NR4A3: variants seen among roughly 807,000 people sequenced by gnomAD.
NR4A3 encodes chondrosarcoma, extraskeletal myxoid, fused to EWS.
Under a neutral mutation model 55.6 loss-of-function variants are expected in NR4A3, and 13 were observed. That is an observed-to-expected ratio of 0.23 (90% confidence interval 0.15 to 0.37). The LOEUF (loss-of-function observed/expected upper bound fraction) is 0.37. Ranked by LOEUF, NR4A3 falls within the 10% of genes least tolerant of loss-of-function variation. The pLI, the probability that NR4A3 is intolerant of heterozygous loss-of-function variation, is 1.00. For synonymous variants in NR4A3, 342 were observed against 357.9 expected (o/e 0.96, Z 0.50); for missense variants, 646 against 822.8 (o/e 0.79, Z 2.63).
Position 99,865,323 on chromosome 9 carries a change from T to C in NR4A3, c.*1456T>C, listed in dbSNP as rs1264499836. On this transcript the variant is annotated 3_prime_UTR_variant, in exon 8 of 8. Transcript: ENST00000395097. The surrounding 1 kb of genome is among the most constrained non-coding windows in gnomAD (Gnocchi z 4.3). ...GCAAATATATATATATATATAAATA[T>C]AGCAGGTTACATATATATATTTATA... is the stretch of plus-strand genomic sequence containing the variant. 5.8e-6 allele frequency: 1 copy of C among 171,128 alleles called. No homozygotes were observed. Among genetic ancestry groups the C allele is most frequent in the Non-Finnish European group, 1.3e-5 (1 of 79,122 alleles). The allele number at this position is 171,128 out of a possible 1,614,324, so 10.6% of individuals were successfully genotyped here.
rs1248035285 is a variant in NR4A3 at position 99,866,223 on chromosome 9, T to C, written c.*2356T>C. ...GCTTCAGACCAAATTCAAATTGAAT[T>C]TGAATAAATTAGAAATACTGTGCAT... On this transcript the variant is annotated 3_prime_UTR_variant, in exon 8 of 8. Transcript: ENST00000395097. The C allele has an allele frequency of 1.4e-5, 3 of 217,008 alleles. No homozygotes were observed. The highest frequency in any genetic ancestry group is 2.8e-5 in the Non-Finnish European group (3 of 107,656). The allele number at this position is 217,008 out of a possible 1,614,324, so 13.4% of individuals were successfully genotyped here.
Position 99,828,443 on chromosome 9 carries a change from A to T in NR4A3, c.401A>T (p.Tyr134Phe). ...EDEVLPSTSM[Y>F]FKQSPPSTPT... is the part of the protein sequence containing the mutation. ...GAGGTGCTGCCCAGCACCTCCATGT[A>T]CTTCAAGCAGTCCCCACCGTCCACC... The change falls in exon 3 of 8, where the codon TAC (tyrosine) becomes TTC (phenylalanine). Residue 134 changes from tyrosine (Y) to phenylalanine (F), a missense_variant. By Grantham distance (22) the Tyr-to-Phe change is conservative (BLOSUM62 3). Around this residue, in one of 5 missense-constraint regions of NR4A3, gnomAD observed 426 missense variants for 429.4 expected, o/e 0.99. Transcript: ENST00000395097. The surrounding 1 kb of genome is among the most constrained non-coding windows in gnomAD (Gnocchi z 7.7). The T allele has an allele frequency of 6.3e-7, 1 of 1,580,494 alleles. No individual in the cohort carries two copies. The highest frequency in any genetic ancestry group is 8.6e-7 in the Non-Finnish European group (1 of 1,163,558).
chr9:99,862,549 CA>C (rs59274273), intron 7 of NR4A3, among the ~76,000 whole-genome samples: 11 of 72,808 alleles, frequency 1.5e-4, no homozygotes, highest in East Asian at 9.8e-4. Flanking sequence ...GACTCTGTCT[CA>C]AAAAAAAAAA....
Position 99,860,157 on chromosome 9 carries a change from T to G in NR4A3, c.1634-3463T>G, listed in dbSNP as rs1255553196. Among the ~76,000 whole-genome samples the G allele has an allele frequency of 2.0e-5, 3 of 152,258 alleles. No homozygotes were observed. The East Asian group carries it at 5.8e-4, about 29-fold the overall frequency. The stretch of plus-strand genomic sequence containing the variant: ...TCTATATGAAGAAATAATTTTTGCA[T>G]AGATGGAATCACAGCTTTAGTATTT... On this transcript the variant is annotated intron_variant, in intron 7 of 7. Transcript: ENST00000395097.
chr9:99,845,665 A>T (rs1396216387), intron 6 of NR4A3, among the ~76,000 whole-genome samples: 1 of 152,128 alleles, frequency 6.6e-6, no homozygotes, highest in African/African-American at 2.4e-5. Context: ...CACTACCAGA[A>T]ACTCCTGTTT....
chr9:99,827,699 AT>A (rs942430362), intron 2 of NR4A3, among the ~76,000 whole-genome samples: 2 of 152,174 alleles, frequency 1.3e-5, no homozygotes, highest in Non-Finnish European at 2.9e-5. Context: ...GCCCACTCCA[AT>A]TAGTTTATAG....
intron 7 of NR4A3, among the ~76,000 whole-genome samples, chr9:99,848,565 G>A (rs770506085): frequency 1.2e-4 from 19 of 152,098 alleles, no homozygotes; most frequent in Admixed American, 2.6e-4. Flanking sequence ...GGCTGGTCTC[G>A]AACTCCTGAC....
chr9:99,824,136 C>T (rs1202114852), intron 1 of NR4A3, among the ~76,000 whole-genome samples: 2 of 152,226 alleles, frequency 1.3e-5, no homozygotes, highest in Non-Finnish European at 2.9e-5. Context: ...TTTCCAGGCA[C>T]TGAGGCTTTG....
rs567600970 is a variant in NR4A3, at chr9:99,866,096, T to C, written c.*2229T>C. On this transcript the variant is annotated 3_prime_UTR_variant, in exon 8 of 8. Coordinates refer to ENST00000395097, the MANE Select transcript of NR4A3 (RefSeq NM_006981.4). ...ATAACCACTAATATTTACCTGAAGA[T>C]AACCATGAGTAAAGTATACTTTTGC... is the stretch of plus-strand genomic sequence containing the variant. 9.4e-6 allele frequency: 2 copies of C among 212,922 alleles called. No homozygotes were observed. The highest frequency in any genetic ancestry group is 3.7e-4 in the South Asian group (2 of 5,358). 13.2% of individuals were successfully genotyped at this position (212,922 alleles called of 1,614,324 possible).
In NR4A3 at chr9:99,856,889, G is replaced by A. The variant is rs80334524; in HGVS notation, c.1634-6731G>A. Among the ~76,000 whole-genome samples the A allele has an allele frequency of 1.4e-4, 21 of 152,300 alleles. 1 individual carries two copies. The East Asian group carries it at 4.1e-3, about 29-fold the overall frequency. On this transcript the variant is annotated intron_variant, in intron 7 of 7. Transcript: ENST00000395097. ...ACACCTTAAGTATCTAGGAATAAGG[G>A]AACCTATTGGTAATTAGGAATCCAT...
At chr9:99,849,860 C>T (rs1255053578) in intron 7 of NR4A3, among the ~76,000 whole-genome samples, 1 of 152,168 alleles carries the variant, frequency 6.6e-6, no homozygotes, top group African/African-American at 2.4e-5. Flanking sequence ...ACATGTGATG[C>T]AAGGTGTTGA....
rs760815099 is a variant in NR4A3 at position 99,828,297 on chromosome 9, A to G, written c.255A>G (p.Lys85=). The change falls in exon 3 of 8, where the codon AAA becomes AAG. Residue 85 remains lysine (K), a synonymous_variant. Transcript: ENST00000395097. The surrounding 1 kb of genome is among the most constrained non-coding windows in gnomAD (Gnocchi z 7.7). The part of the protein sequence containing the change: ...CVYQMQRPLI[K]VEEGRAPSYH... Reference sequence around the variant, plus strand: ...ACCAAATGCAGCGGCCCTTGATCAAAGTGGAGGAGGGGCGGGCGCCCAGCT... The same window carrying G: ...ACCAAATGCAGCGGCCCTTGATCAAGGTGGAGGAGGGGCGGGCGCCCAGCT... 1 of 1,613,642 alleles carries G rather than the reference A, an allele frequency of 6.2e-7. No homozygotes were observed. Among genetic ancestry groups the G allele is most frequent in the East Asian group, 2.2e-5 (1 of 44,862 alleles).
Position 99,822,246 on chromosome 9 carries a change from C to G in NR4A3, c.-338C>G, listed in dbSNP as rs1231191943. ...CTCTCGGCTGTGCTCTCCCATGAGT[C>G]GGGATCGCAGCATCCCCCACCAGCC... On this transcript the variant is annotated 5_prime_UTR_variant, in exon 1 of 8. Transcript: ENST00000395097. The surrounding 1 kb of genome is among the most constrained non-coding windows in gnomAD (Gnocchi z 4.9). 6.6e-6 allele frequency: 1 copy of G among 152,262 alleles called. No individual in the cohort carries two copies. The highest frequency in any genetic ancestry group is 1.5e-5 in the Non-Finnish European group (1 of 68,134). The allele number at this position is 152,262 out of a possible 1,614,324, so 9.4% of individuals were successfully genotyped here.
chr9:99,824,642 C>A (rs995229381), intron 1 of NR4A3, among the ~76,000 whole-genome samples: 2 of 152,242 alleles, frequency 1.3e-5, no homozygotes, highest in African/African-American at 4.8e-5. Flanking sequence ...ACCCTCGTGG[C>A]CCCGCGCACC....
chr9:99,834,040 C>T, intron 5 of NR4A3: 1 of 1,065,564 alleles, frequency 9.4e-7, no homozygotes, highest in East Asian at 5.3e-5. Flanking sequence ...GTGGAAATGG[C>T]TACAATATTT....
chr9:99,829,039 G>T, intron 3 of NR4A3, 46 bp downstream of exon 3: 1 of 1,302,518 alleles, frequency 7.7e-7, no homozygotes, highest in Non-Finnish European at 9.8e-7. Context: ...CCCCCTCACT[G>T]AAGGGAGCTT....
At chr9:99,852,509 C>T (rs1345109470) in intron 7 of NR4A3, among the ~76,000 whole-genome samples, 1 of 152,130 alleles carries the variant, frequency 6.6e-6, no homozygotes, top group East Asian at 1.9e-4. Flanking sequence ...TACCTTCTGG[C>T]TTGATGTGAT....
At chr9:99,848,401 A>G (rs1286100130) in intron 7 of NR4A3, among the ~76,000 whole-genome samples, 1 of 152,034 alleles carries the variant, frequency 6.6e-6, no homozygotes, top group Non-Finnish European at 1.5e-5. Flanking sequence ...CTGGAGTGCA[A>G]TGATGTGATC....
intron 7 of NR4A3, among the ~76,000 whole-genome samples, chr9:99,856,345 AG>A (rs1827926740): frequency 6.6e-6 from 1 of 151,892 alleles, no homozygotes; most frequent in African/African-American, 2.4e-5. Context: ...AGTTCACAAT[AG>A]GGTTCACACT....
Sources: allele counts gnomAD v4.1 joint callset (sites outside exome capture counted in the v4.1 genomes callset), GRCh38; gene constraint gnomAD v4.1.1; regional missense constraint gnomAD v4.1.1; non-coding constraint Gnocchi (gnomAD v3.1); transcripts MANE v1.5; gene names NCBI Gene and HGNC (gene_info 2026-07-23, HGNC 2026-07-21).